LOXHD1: variants seen among roughly 807,000 people sequenced by gnomAD.
The protein encoded by LOXHD1 is lipoxygenase homology PLAT domains 1.
In LOXHD1, 205 loss-of-function variants were observed where a neutral mutation model predicts 248.2. The observed-to-expected ratio is 0.83, with a 90% CI of 0.74 to 0.93. The LOEUF (loss-of-function observed/expected upper bound fraction) is 0.93, where lower values mean the gene tolerates loss of function less well. LOXHD1 is among the 40% of genes least tolerant of loss of function. The pLI is 0.00. For synonymous variants in LOXHD1, 1,113 were observed against 1,162.8 expected (o/e 0.96, Z 0.87); for missense variants, 2,930 against 2,971.6 (o/e 0.99, Z 0.33).
intron 19 of LOXHD1, 32 bp downstream of exon 19, chr18:46,560,051 C>CCG: frequency 7.6e-7 from 1 of 1,310,696 alleles, no homozygotes; most frequent in Non-Finnish European, 1.1e-6. Context: ...TGGCCACTCC[C>CCG]TCCCCACCCC....
At chr18:46,557,814 G>T in intron 20 of LOXHD1, 1 of 1,279,088 alleles carries the variant, frequency 7.8e-7, no homozygotes, top group Non-Finnish European at 1.0e-6. Flanking sequence ...GGTGTTTTGT[G>T]TGCAAGAGAG....
chr18:46,484,438 C>T (rs1230124829), intron 39 of LOXHD1, among the ~76,000 whole-genome samples: 2 of 152,112 alleles, frequency 1.3e-5, no homozygotes, highest in African/African-American at 4.8e-5. Context: ...GCTCCCTCCG[C>T]CTTCTGCCAT....
At chr18:46,588,609 T>G (rs570968666) in intron 12 of LOXHD1, among the ~76,000 whole-genome samples, 2 of 152,208 alleles carry the variant, frequency 1.3e-5, no homozygotes, top group Non-Finnish European at 2.9e-5. Context: ...TCACTTCATC[T>G]GCAAAATTTG....
intron 22 of LOXHD1, among the ~76,000 whole-genome samples, chr18:46,545,945 A>AT (rs34120646): frequency 1.3e-5 from 2 of 150,526 alleles, no homozygotes; most frequent in Admixed American, 1.3e-4. Context: ...TCTAAGAATC[A>AT]TTTTTTTTTT....
At chr18:46,528,941 C>G (rs2035941193) in intron 29 of LOXHD1, among the ~76,000 whole-genome samples, 1 of 152,204 alleles carries the variant, frequency 6.6e-6, no homozygotes, top group Admixed American at 6.5e-5. Context: ...TCCTGCTTGT[C>G]CAAGGCCGGC....
In LOXHD1 at chr18:46,591,970, C is replaced by A; in HGVS notation, c.1617G>T (p.Met539Ile). The A allele has an allele frequency of 1.3e-6, 2 of 1,552,012 alleles. No individual in the cohort carries two copies. The highest frequency in any genetic ancestry group is 1.7e-6 in the Non-Finnish European group (2 of 1,147,058). The change falls in exon 12 of 41, where the codon ATG (methionine) becomes ATT (isoleucine). Residue 539 changes from methionine to isoleucine, a missense_variant. Physicochemically the swap from Met to Ile is conservative, Grantham distance 10. Transcript: ENST00000642948. ...TGCGCACTGTTGGGCCTTCTGCAGT[C>A]ATTTCCCTCACTATCTCATTGTCAT... is the stretch of plus-strand genomic sequence containing the variant. The part of the protein sequence containing the change: ...NEDDNEIVRE[M>I]TAEGPTVRRI...
intron 14 of LOXHD1, among the ~76,000 whole-genome samples, chr18:46,576,906 A>T (rs2037868142): frequency 6.6e-6 from 1 of 152,146 alleles, no homozygotes; most frequent in African/African-American, 2.4e-5. Context: ...CACACTCATT[A>T]CTGGGCAGCT....
At position 46,619,008 on chromosome 18, in the gene LOXHD1, T is replaced by C. The variant is rs114628493; in HGVS notation, c.512-718A>G. Among the ~76,000 whole-genome samples the C allele has an allele frequency of 5.2e-3, 796 of 152,242 alleles. 6 individuals carry two copies. The highest frequency in any genetic ancestry group is 0.018 in the African/African-American group (751 of 41,542). ...CCATGGCCTTGATGGGAGACGAAGC[T>C]TGGTAAACTTGACATGATGAGACCT... On this transcript the variant is annotated intron_variant, in intron 4 of 40. Coordinates refer to ENST00000642948, the MANE Select transcript of LOXHD1 (RefSeq NM_001384474.1).
intron 37 of LOXHD1, among the ~76,000 whole-genome samples, chr18:46,502,156 A>C (rs1598858984): frequency 6.6e-6 from 1 of 152,224 alleles, no homozygotes; most frequent in Admixed American, 6.5e-5. Flanking sequence ...TGTCCAGGAA[A>C]CTATGGAGTA....
intron 2 of LOXHD1, among the ~76,000 whole-genome samples, chr18:46,645,858 G>A (rs1416715053): frequency 6.6e-6 from 1 of 152,170 alleles, no homozygotes; most frequent in African/African-American, 2.4e-5. Flanking sequence ...CAAGAATTGA[G>A]GGGTGAGAAA....
At chr18:46,502,497 A>G (rs1299978307) in intron 37 of LOXHD1, among the ~76,000 whole-genome samples, 1 of 152,170 alleles carries the variant, frequency 6.6e-6, no homozygotes, top group African/African-American at 2.4e-5. Flanking sequence ...AATGCATAGT[A>G]ATCTGGACCA....
At chr18:46,518,354 G>A (rs866256057) in intron 33 of LOXHD1, 98 bp from the exon 34 acceptor site, 1 of 1,406,460 alleles carries the variant, frequency 7.1e-7, no homozygotes, top group Non-Finnish European at 9.7e-7. Flanking sequence ...CACTGTCCAA[G>A]TTCCACAGCT....
chr18:46,581,258 G>C lies in LOXHD1; in HGVS notation c.1655-1474C>G, dbSNP rs115484803. 5.0e-3 allele frequency among the ~76,000 whole-genome samples: 765 copies of C among 152,256 alleles called. 8 individuals carry two copies. Among genetic ancestry groups the C allele is most frequent in the African/African-American group, 0.018 (749 of 41,544 alleles). The stretch of plus-strand genomic sequence containing the variant: ...AGTCAACAGATTAGCAATATAGTTT[G>C]GATGCTAAGTCTAAAATGTACTGTT... On this transcript the variant is annotated intron_variant, in intron 12 of 40. Coordinates refer to ENST00000642948, the MANE Select transcript of LOXHD1 (RefSeq NM_001384474.1).
chr18:46,575,099 A>T (rs1326067325), intron 14 of LOXHD1, among the ~76,000 whole-genome samples: 3 of 152,208 alleles, frequency 2.0e-5, no homozygotes, highest in Non-Finnish European at 4.4e-5. Context: ...ATTGAAAACC[A>T]AACACATCCC....
At chr18:46,494,466 A>G (rs950705182) in intron 37 of LOXHD1, among the ~76,000 whole-genome samples, 28 of 152,212 alleles carry the variant, frequency 1.8e-4, no homozygotes, top group African/African-American at 6.8e-4. Flanking sequence ...GGTAACTCAC[A>G]TTTCTTCAGT....
At chr18:46,560,711 G>A (rs1037387182) in intron 18 of LOXHD1, among the ~76,000 whole-genome samples, 166 bp from the exon 19 acceptor site, 2 of 152,210 alleles carry the variant, frequency 1.3e-5, no homozygotes, top group East Asian at 1.9e-4. Context: ...CCCTCTCTCC[G>A]GCCACACCTG....
chr18:46,570,100 G>A (rs963885226), intron 15 of LOXHD1, among the ~76,000 whole-genome samples: 1 of 152,188 alleles, frequency 6.6e-6, no homozygotes, highest in Non-Finnish European at 1.5e-5. Context: ...CACAGGCAAG[G>A]AATCTGAGCC....
intron 23 of LOXHD1, 59 bp downstream of exon 23, chr18:46,545,258 T>A (rs2036749446): frequency 2.2e-5 from 28 of 1,271,484 alleles, no homozygotes; most frequent in Non-Finnish European, 3.0e-5. Flanking sequence ...TTCTGCTGAG[T>A]CTTCTGGTCT....
At chr18:46,538,444 G>A (rs1220767529) in intron 25 of LOXHD1, 107 bp from the exon 26 acceptor site, 2 of 1,122,642 alleles carry the variant, frequency 1.8e-6, no homozygotes, top group Non-Finnish European at 2.6e-6. Flanking sequence ...CCCTTGCACT[G>A]GGGAACTGCT....
Sources: gnomAD v4.1 joint callset for allele counts (sites outside exome capture counted in the v4.1 genomes callset) on GRCh38, gnomAD v4.1.1 for gene constraint, MANE v1.5 for transcripts, NCBI Gene and HGNC (gene_info 2026-07-23, HGNC 2026-07-21) for gene names.